Variants in COL5A2 observed in about 807,000 individuals in gnomAD.
COL5A2 encodes collagen alpha-2(V) chain.
In COL5A2, 23 loss-of-function variants were observed where a neutral mutation model predicts 208.2. The ratio of observed to expected loss-of-function variants is 0.11; its 90% CI spans 0.08 to 0.16. The LOEUF is 0.16. Among genes scored for constraint, COL5A2 ranks in the 10% least tolerant of loss-of-function variants. COL5A2 has a pLI of 1.00. For synonymous variants in COL5A2, 625 were observed against 628.5 expected (o/e 0.99, Z 0.08); for missense variants, 1,590 against 1,956.4 (o/e 0.81, Z 3.53).
the COL5A2 span, among the ~76,000 whole-genome samples, chr2:189,322,639 T>A: frequency 3.3e-5 from 5 of 152,122 alleles, no homozygotes; most frequent in African/African-American, 1.2e-4. Context: ...AGAAGTTGAA[T>A]CTCTGAATAG....
intron 47 of COL5A2, 33 bp from the exon 48 acceptor site, chr2:189,043,291 G>T: frequency 6.8e-7 from 1 of 1,470,062 alleles, no homozygotes; most frequent in Non-Finnish European, 9.5e-7. Flanking sequence ...AAAATTACTT[G>T]CTACATATTA....
the COL5A2 span, among the ~76,000 whole-genome samples, chr2:189,288,923 T>C: frequency 6.6e-6 from 1 of 152,202 alleles, no homozygotes. Context: ...ATAAATGTGA[T>C]ACGCCACATT....
intron 1 of COL5A2, among the ~76,000 whole-genome samples, chr2:189,194,858 T>C (rs1039106765): frequency 2.0e-5 from 3 of 152,312 alleles, no homozygotes; most frequent in Non-Finnish European, 4.4e-5. Flanking sequence ...GAGATGATCA[T>C]GTGGTTTTTG....
intron 1 of COL5A2, among the ~76,000 whole-genome samples, chr2:189,200,949 C>T (rs1275630727): frequency 6.6e-6 from 1 of 151,890 alleles, no homozygotes; most frequent in Middle Eastern, 3.2e-3. Context: ...ACTGGCAGTC[C>T]TGTACTACAA....
chr2:189,156,632 C>T (rs1347223856), intron 1 of COL5A2, among the ~76,000 whole-genome samples: 2 of 152,222 alleles, frequency 1.3e-5, no homozygotes, highest in African/African-American at 4.8e-5. Context: ...AATATTATCA[C>T]ACATTGATGC....
intron 1 of COL5A2, among the ~76,000 whole-genome samples, chr2:189,202,195 C>A (rs1460544746): frequency 5.9e-5 from 9 of 151,616 alleles, no homozygotes; most frequent in Non-Finnish European, 1.0e-4. Flanking sequence ...GGGGAGAATA[C>A]AATGTGAACC....
the COL5A2 span, among the ~76,000 whole-genome samples, chr2:189,328,309 T>C: frequency 6.6e-6 from 1 of 152,116 alleles, no homozygotes; most frequent in Non-Finnish European, 1.5e-5. Context: ...TAAAACTGTA[T>C]TCAAAAGTTA....
chr2:189,206,748 G>C (rs1689148091), intron 1 of COL5A2, among the ~76,000 whole-genome samples: 1 of 151,340 alleles, frequency 6.6e-6, no homozygotes, highest in Non-Finnish European at 1.5e-5. Context: ...CACGGGGAAG[G>C]CATGAAGAGC....
the COL5A2 span, among the ~76,000 whole-genome samples, chr2:189,285,920 C>CTCA: frequency 1.3e-5 from 2 of 151,990 alleles, no homozygotes; most frequent in Non-Finnish European, 2.9e-5. Context: ...TGCTTATCTC[C>CTCA]TCAAGTTTTC....
chr2:189,428,157 G>A, the COL5A2 span, among the ~76,000 whole-genome samples: 1 of 152,132 alleles, frequency 6.6e-6, no homozygotes, highest in East Asian at 1.9e-4. Flanking sequence ...AAGCGGCAGG[G>A]TGAAATGATA....
At chr2:189,362,580 T>G in the COL5A2 span, among the ~76,000 whole-genome samples, 1 of 152,160 alleles carries the variant, frequency 6.6e-6, no homozygotes, top group African/African-American at 2.4e-5. Flanking sequence ...TGCCAGAATT[T>G]TTTTTCATTT....
At chr2:189,281,986 C>T in the COL5A2 span, among the ~76,000 whole-genome samples, 22 of 152,252 alleles carry the variant, frequency 1.4e-4, no homozygotes, top group African/African-American at 4.8e-4. Flanking sequence ...GAGTTCAAGA[C>T]AAGCCTGGCT....
the COL5A2 span, among the ~76,000 whole-genome samples, chr2:189,350,734 C>G: frequency 1.3e-5 from 2 of 152,148 alleles, no homozygotes; most frequent in East Asian, 3.9e-4. Context: ...ACAGCATGTT[C>G]CCAATGCCTT....
chr2:189,395,749 C>T, the COL5A2 span, among the ~76,000 whole-genome samples: 24 of 149,064 alleles, frequency 1.6e-4, no homozygotes, highest in African/African-American at 5.2e-4. Context: ...ATTAAAAATA[C>T]AAAAAAAAAT....
chr2:189,326,433 A>T, the COL5A2 span, among the ~76,000 whole-genome samples: 1 of 152,096 alleles, frequency 6.6e-6, no homozygotes, highest in Non-Finnish European at 1.5e-5. Flanking sequence ...AATGGTTCAC[A>T]CTTGTAATCC....
At chr2:189,385,920 T>C in the COL5A2 span, among the ~76,000 whole-genome samples, 1 of 152,330 alleles carries the variant, frequency 6.6e-6, no homozygotes, top group South Asian at 2.1e-4. Flanking sequence ...AAGGAAGAGA[T>C]TTAACTGACT....
the COL5A2 span, among the ~76,000 whole-genome samples, chr2:189,329,908 T>G: frequency 7.3e-5 from 11 of 151,406 alleles, no homozygotes; most frequent in Admixed American, 1.3e-4. Flanking sequence ...AAATAATGGT[T>G]GTTTTTTTTT....
chr2:189,248,833 T>A, the COL5A2 span, among the ~76,000 whole-genome samples: 1 of 152,012 alleles, frequency 6.6e-6, no homozygotes, highest in Admixed American at 6.5e-5. Context: ...ATCTGGCCAT[T>A]TTGCATATGT....
At chr2:189,061,410 G>A (rs550284127) in intron 30 of COL5A2, 152 bp downstream of exon 30, 3 of 604,672 alleles carry the variant, frequency 5.0e-6, no homozygotes, top group Admixed American at 2.9e-5. Context: ...AAAAATGTTC[G>A]ATTTTATCCA....
Sources: gnomAD v4.1 joint callset for allele counts (sites outside exome capture counted in the v4.1 genomes callset) on GRCh38, gnomAD v4.1.1 for gene constraint, MANE v1.5 for transcripts, NCBI Gene and HGNC (gene_info 2026-07-23, HGNC 2026-07-21) for gene names.